AKT3: variants seen among roughly 807,000 people sequenced by gnomAD.
AKT3 encodes the protein AKT serine/threonine kinase 3, also known as RAC-gamma serine/threonine-protein kinase.
In AKT3, 15 loss-of-function variants were observed where a neutral mutation model predicts 65.3. The ratio of observed to expected loss-of-function variants is 0.23; its 90% CI spans 0.15 to 0.35. The LOEUF is 0.35. Ranked by LOEUF, AKT3 falls within the 10% of genes least tolerant of loss-of-function variation. The pLI is 1.00. For synonymous variants in AKT3, 206 were observed against 183.8 expected (o/e 1.12, Z -0.98); for missense variants, 243 against 576.5 (o/e 0.42, Z 5.92).
chr1:243,595,571 T>C (rs1381473650), intron 8 of AKT3, among the ~76,000 whole-genome samples: 2 of 152,194 alleles, frequency 1.3e-5, no homozygotes, highest in African/African-American at 4.8e-5. Flanking sequence ...TATACAAAAA[T>C]ATTGTTTCTT....
At chr1:243,579,930 T>C (rs78369862) in intron 8 of AKT3, among the ~76,000 whole-genome samples, 2,538 of 152,274 alleles carry the variant, frequency 0.017, 65 homozygotes, top group African/African-American at 0.058. Context: ...TTTATATGTA[T>C]TAGTCCAATA....
intron 2 of AKT3, among the ~76,000 whole-genome samples, chr1:243,774,271 CCA>C (rs1290253393): frequency 4.6e-5 from 7 of 152,192 alleles, no homozygotes; most frequent in Non-Finnish European, 1.5e-5. Context: ...TTTCCCTTTT[CCA>C]CATAGTTCCA....
At chr1:243,667,367 T>C (rs564660206) in intron 3 of AKT3, among the ~76,000 whole-genome samples, 2 of 152,228 alleles carry the variant, frequency 1.3e-5, no homozygotes, top group South Asian at 4.1e-4. Context: ...CCCTGCTCCT[T>C]CTTCTGCCAA....
At chr1:243,803,670 AC>A (rs1692523959) in intron 2 of AKT3, among the ~76,000 whole-genome samples, 3 of 151,194 alleles carry the variant, frequency 2.0e-5, no homozygotes, top group Non-Finnish European at 4.4e-5. Context: ...ACACACACAC[AC>A]ACACACACAC....
At chr1:243,697,996 C>T (rs1685169287) in intron 2 of AKT3, among the ~76,000 whole-genome samples, 1 of 151,880 alleles carries the variant, frequency 6.6e-6, no homozygotes. Context: ...AAGTGATGCT[C>T]TTCACTTTAT....
chr1:243,626,761 G>A lies in AKT3; in HGVS notation c.561+10850C>T, dbSNP rs1222827627. 2.0e-5 allele frequency among the ~76,000 whole-genome samples: 3 copies of A among 152,196 alleles called. No homozygotes were observed. In the East Asian group the frequency reaches 5.8e-4, roughly 29 times the overall value. On this transcript the variant is annotated intron_variant, in intron 6 of 13. Coordinates refer to ENST00000673466, the MANE Select transcript of AKT3 (RefSeq NM_005465.7). ...GGATATGAGGATGAAATGGCTGATA[G>A]GATTAAATTAAAATTTGGATGAAAA...
chr1:243,644,009 T>C (rs893624325), intron 5 of AKT3, among the ~76,000 whole-genome samples: 21 of 152,350 alleles, frequency 1.4e-4, no homozygotes, highest in African/African-American at 5.0e-4. Context: ...ACAAATGTTC[T>C]TTTTCTGCAC....
intron 2 of AKT3, among the ~76,000 whole-genome samples, chr1:243,785,284 TAGTC>T (rs1691188866): frequency 6.6e-6 from 1 of 151,682 alleles, no homozygotes; most frequent in Admixed American, 6.6e-5. Flanking sequence ...TTCACCGTGT[TAGTC>T]AGGATGGTCT....
intron 8 of AKT3, among the ~76,000 whole-genome samples, chr1:243,575,913 T>C (rs1224436514): frequency 1.3e-5 from 2 of 152,068 alleles, no homozygotes; most frequent in African/African-American, 4.8e-5. Flanking sequence ...GGAACACATG[T>C]AGCCAAAAAA....
At chr1:243,703,038 A>G (rs529306361) in intron 2 of AKT3, 2 of 152,194 alleles carry the variant, frequency 1.3e-5, no homozygotes, top group Non-Finnish European at 2.9e-5. Context: ...TCATGAGCCA[A>G]TTTTTACCTA....
intron 2 of AKT3, among the ~76,000 whole-genome samples, chr1:243,734,169 A>T (rs1687711380): frequency 6.6e-6 from 1 of 152,206 alleles, no homozygotes; most frequent in Non-Finnish European, 1.5e-5. Flanking sequence ...TCCAGTAAGT[A>T]ATATTTCATC....
At chr1:243,825,948 A>G (rs1272034183) in intron 2 of AKT3, among the ~76,000 whole-genome samples, 1 of 152,120 alleles carries the variant, frequency 6.6e-6, no homozygotes, top group Non-Finnish European at 1.5e-5. Context: ...CCTAGCCAAC[A>G]TGGCGAAACC....
chr1:243,772,764 A>T (rs1690271106), intron 2 of AKT3, among the ~76,000 whole-genome samples: 1 of 152,216 alleles, frequency 6.6e-6, no homozygotes, highest in South Asian at 2.1e-4. Flanking sequence ...ACTACTCACA[A>T]TAGCAAAGAC....
intron 3 of AKT3, among the ~76,000 whole-genome samples, chr1:243,684,850 C>T (rs1028293283): frequency 6.6e-6 from 1 of 152,204 alleles, no homozygotes; most frequent in Non-Finnish European, 1.5e-5. Flanking sequence ...GATCACCATT[C>T]TAACTGGCGT....
chr1:243,529,148 CTTTTT>C (rs1057499486), intron 12 of AKT3, among the ~76,000 whole-genome samples: 14 of 128,280 alleles, frequency 1.1e-4, no homozygotes, highest in Non-Finnish European at 1.7e-4. Context: ...TGTAATGGAG[CTTTTT>C]TTTTTTTTTT....
intron 3 of AKT3, among the ~76,000 whole-genome samples, chr1:243,665,298 T>A (rs1682688381): frequency 1.3e-5 from 2 of 152,212 alleles, no homozygotes; most frequent in Non-Finnish European, 2.9e-5. Context: ...CGCCCTAGAC[T>A]GACCATTTCA....
intron 3 of AKT3, among the ~76,000 whole-genome samples, chr1:243,680,685 G>T (rs1572159491): frequency 6.6e-6 from 1 of 152,124 alleles, no homozygotes; most frequent in East Asian, 1.9e-4. Context: ...TGTCCCTCAA[G>T]TTCAACTTGT....
At chr1:243,686,008 G>T (rs1011993423) in intron 3 of AKT3, among the ~76,000 whole-genome samples, 1 of 152,114 alleles carries the variant, frequency 6.6e-6, no homozygotes, top group Non-Finnish European at 1.5e-5. Flanking sequence ...ATTCACAATT[G>T]CTACAAAGAG....
At chr1:243,702,596 C>G (rs1220834889) in intron 2 of AKT3, among the ~76,000 whole-genome samples, 1 of 152,108 alleles carries the variant, frequency 6.6e-6, no homozygotes, top group Non-Finnish European at 1.5e-5. Flanking sequence ...AATTTATAAT[C>G]CAACTACAAA....
Sources: gnomAD v4.1 joint callset for allele counts (sites outside exome capture counted in the v4.1 genomes callset) on GRCh38, gnomAD v4.1.1 for gene constraint, MANE v1.5 for transcripts, NCBI Gene and HGNC (gene_info 2026-07-23, HGNC 2026-07-21) for gene names.